Variants in PDSS2 observed in about 807,000 individuals in gnomAD.
PDSS2 encodes all trans-polyprenyl-diphosphate synthase PDSS2.
PDSS2 carries 31 observed loss-of-function variants against 44.5 expected under a neutral mutation model. The observed-to-expected ratio is 0.70, with a 90% confidence interval of 0.52 to 0.94. The LOEUF is 0.94. PDSS2 is among the 40% of genes least tolerant of loss of function. The pLI is 0.00. For missense variants in PDSS2, 452 were observed against 482.2 expected (o/e 0.94, Z 0.59); for synonymous variants, 157 against 180.3 (o/e 0.87, Z 1.03).
chr6:107,187,575 G>T (rs1489143029), intron 7 of PDSS2, among the ~76,000 whole-genome samples: 1 of 151,692 alleles, frequency 6.6e-6, no homozygotes, highest in African/African-American at 2.4e-5. Flanking sequence ...TGAGGTAGGA[G>T]ATTGCTTGAA....
At chr6:107,223,305 A>G (rs1022088882) in intron 4 of PDSS2, among the ~76,000 whole-genome samples, 22 of 150,690 alleles carry the variant, frequency 1.5e-4, no homozygotes, top group South Asian at 6.3e-4. Context: ...CGAGGTGGGC[A>G]GATCACCTGA....
intron 1 of PDSS2, among the ~76,000 whole-genome samples, chr6:107,392,422 C>T (rs148000339): frequency 6.6e-6 from 1 of 152,106 alleles, no homozygotes; most frequent in Non-Finnish European, 1.5e-5. Context: ...GGGTATACAA[C>T]AAGTTGCATA....
At chr6:107,155,539 T>C (rs1459902952) in intron 7 of PDSS2, among the ~76,000 whole-genome samples, 1 of 151,980 alleles carries the variant, frequency 6.6e-6, no homozygotes. Context: ...ATAGTCCATA[T>C]GAAAATTCAA....
At chr6:107,321,127 C>T (rs1777368424) in intron 2 of PDSS2, among the ~76,000 whole-genome samples, 1 of 152,070 alleles carries the variant, frequency 6.6e-6, no homozygotes, top group Admixed American at 6.6e-5. Flanking sequence ...TATGTGTTAG[C>T]TATAGTAATA....
intron 1 of PDSS2, among the ~76,000 whole-genome samples, chr6:107,342,902 G>T (rs547097612): frequency 6.6e-6 from 1 of 152,314 alleles, no homozygotes; most frequent in East Asian, 1.9e-4. Flanking sequence ...GAGTGGGAAA[G>T]AATCACCTTG....
At chr6:107,261,226 C>A (rs1214238458) in intron 3 of PDSS2, among the ~76,000 whole-genome samples, 1 of 152,158 alleles carries the variant, frequency 6.6e-6, no homozygotes, top group Admixed American at 6.5e-5. Context: ...TGTCCCTTCC[C>A]AAATCTCATG....
Position 107,251,864 on chromosome 6 carries a change from C to T in PDSS2, c.631-6245G>A, listed in dbSNP as rs540394790. 7.9e-5 allele frequency among the ~76,000 whole-genome samples: 12 copies of T among 152,122 alleles called. No individual in the cohort carries two copies. The East Asian group carries it at 2.1e-3, about 27-fold the overall frequency. On this transcript the variant is annotated intron_variant, in intron 3 of 7. Coordinates refer to ENST00000369037, the MANE Select transcript of PDSS2 (RefSeq NM_020381.4). ...AATGAAGCACAAACTATTTGTGAGA[C>T]GCATATAAAGATGGAAAGATTTATA... is the stretch of plus-strand genomic sequence containing the variant.
chr6:107,384,286 G>A (rs1157693935), intron 1 of PDSS2, among the ~76,000 whole-genome samples: 3 of 152,016 alleles, frequency 2.0e-5, no homozygotes, highest in African/African-American at 4.8e-5. Context: ...TGAGGGGAGT[G>A]GTAGAAATGT....
At chr6:107,299,934 A>G (rs1162174545) in intron 2 of PDSS2, among the ~76,000 whole-genome samples, 1 of 152,112 alleles carries the variant, frequency 6.6e-6, no homozygotes, top group Non-Finnish European at 1.5e-5. Flanking sequence ...TAATCTCCCA[A>G]TTGACTCAGG....
At chr6:107,329,608 C>T (rs1777651289) in intron 2 of PDSS2, among the ~76,000 whole-genome samples, 2 of 152,146 alleles carry the variant, frequency 1.3e-5, no homozygotes, top group African/African-American at 4.8e-5. Flanking sequence ...TTGATTAGCT[C>T]TGTAAAGATC....
At chr6:107,364,653 AGTG>A (rs1778907269) in intron 1 of PDSS2, among the ~76,000 whole-genome samples, 1 of 152,076 alleles carries the variant, frequency 6.6e-6, no homozygotes, top group Non-Finnish European at 1.5e-5. Flanking sequence ...AAGCTGAGGG[AGTG>A]GGCTCCAGCC....
At chr6:107,350,408 A>G (rs1450978162) in intron 1 of PDSS2, among the ~76,000 whole-genome samples, 2 of 152,236 alleles carry the variant, frequency 1.3e-5, no homozygotes, top group Non-Finnish European at 2.9e-5. Flanking sequence ...AAATCAAAAA[A>G]TAAATTGAGA....
chr6:107,380,470 G>T (rs1779422353), intron 1 of PDSS2, among the ~76,000 whole-genome samples: 1 of 152,158 alleles, frequency 6.6e-6, no homozygotes, highest in South Asian at 2.1e-4. Context: ...AACACTCTGA[G>T]AGCACTTCAA....
intron 1 of PDSS2, among the ~76,000 whole-genome samples, chr6:107,406,968 C>T (rs1780340497): frequency 6.6e-6 from 1 of 152,140 alleles, no homozygotes; most frequent in Non-Finnish European, 1.5e-5. Context: ...GGAGAATGAA[C>T]CAGAATGAAT....
intron 1 of PDSS2, among the ~76,000 whole-genome samples, chr6:107,346,171 T>G (rs1048493659): frequency 6.6e-6 from 1 of 152,240 alleles, no homozygotes; most frequent in Non-Finnish European, 1.5e-5. Context: ...AATGAAAAGA[T>G]ATGTACTTGG....
chr6:107,213,900 T>C (rs1351148593), intron 4 of PDSS2, among the ~76,000 whole-genome samples: 3 of 152,126 alleles, frequency 2.0e-5, no homozygotes, highest in Non-Finnish European at 4.4e-5. Flanking sequence ...TAAATAAATA[T>C]ATACACATCT....
At chr6:107,439,550 C>T (rs1200107172) in intron 1 of PDSS2, among the ~76,000 whole-genome samples, 1 of 152,196 alleles carries the variant, frequency 6.6e-6, no homozygotes. Flanking sequence ...GGGGAAAATG[C>T]CTCTCCCTGG....
chr6:107,341,428 T>C (rs1030020801), intron 1 of PDSS2, among the ~76,000 whole-genome samples: 1 of 152,142 alleles, frequency 6.6e-6, no homozygotes, highest in Admixed American at 6.5e-5. Context: ...GACTTCCAGA[T>C]GGTGATGCCA....
At chr6:107,390,327 AAAG>A (rs1293643351) in intron 1 of PDSS2, among the ~76,000 whole-genome samples, 8 of 152,220 alleles carry the variant, frequency 5.3e-5, no homozygotes, top group African/African-American at 1.9e-4. Context: ...AATTATGTGA[AAAG>A]AAGGGCAATT....
Sources: gnomAD v4.1 joint callset for allele counts (sites outside exome capture counted in the v4.1 genomes callset) on GRCh38, gnomAD v4.1.1 for gene constraint, MANE v1.5 for transcripts, NCBI Gene and HGNC (gene_info 2026-07-23, HGNC 2026-07-21) for gene names.